The following SLC24A2 variants were observed in gnomAD, a reference collection of about 807,000 sequenced individuals.
SLC24A2 encodes the protein solute carrier family 24 member 2.
Under a neutral mutation model 62.0 loss-of-function variants are expected in SLC24A2, and 36 were observed. The ratio of observed to expected loss-of-function variants is 0.58; its 90% CI spans 0.44 to 0.77. The LOEUF (loss-of-function observed/expected upper bound fraction) is 0.77. Ranked by LOEUF, SLC24A2 falls within the 30% of genes least tolerant of loss-of-function variation. The pLI, the probability that SLC24A2 is intolerant of heterozygous loss-of-function variation, is 0.00. For missense variants in SLC24A2, 846 were observed against 817.9 expected (o/e 1.03, Z -0.42); for synonymous variants, 358 against 294.0 (o/e 1.22, Z -2.23).
At chr9:19,770,737 T>C (rs1049135054) in intron 2 of SLC24A2, among the ~76,000 whole-genome samples, 10 of 152,340 alleles carry the variant, frequency 6.6e-5, no homozygotes, top group African/African-American at 1.7e-4. Context: ...AAACTTAACA[T>C]TGACCATTCA....
chr9:19,751,979 C>T (rs565049450), intron 2 of SLC24A2, among the ~76,000 whole-genome samples: 85 of 152,298 alleles, frequency 5.6e-4, no homozygotes, highest in African/African-American at 2.0e-3. Flanking sequence ...AGCTGCTTCT[C>T]TGCAAAGAAA....
At chr9:19,724,860 T>A (rs1356370112) in intron 2 of SLC24A2, among the ~76,000 whole-genome samples, 1 of 152,130 alleles carries the variant, frequency 6.6e-6, no homozygotes, top group Non-Finnish European at 1.5e-5. Context: ...CCAGTTAGAT[T>A]AGATACCATT....
At chr9:19,959,620 C>T in the SLC24A2 span, among the ~76,000 whole-genome samples, 1 of 152,124 alleles carries the variant, frequency 6.6e-6, no homozygotes, top group Middle Eastern at 3.2e-3. Flanking sequence ...AGAATGCAGA[C>T]CTAGTTATGT....
the SLC24A2 span, among the ~76,000 whole-genome samples, chr9:20,028,745 C>T: frequency 6.6e-6 from 1 of 152,208 alleles, no homozygotes; most frequent in South Asian, 2.1e-4. Context: ...AGTACACATC[C>T]CCCTGTCTGT....
intron 10 of SLC24A2, among the ~76,000 whole-genome samples, chr9:19,517,941 A>T (rs1190204027): frequency 4.0e-5 from 6 of 148,226 alleles, no homozygotes; most frequent in East Asian, 2.0e-4. Flanking sequence ...ACACACACAC[A>T]CACACACACA....
chr9:19,806,668 G>GTGAT, the SLC24A2 span, among the ~76,000 whole-genome samples: 15 of 152,280 alleles, frequency 9.9e-5, no homozygotes, highest in South Asian at 1.2e-3. Flanking sequence ...ACAAAGGTCA[G>GTGAT]TGATTAGAAG....
chr9:20,260,302 T>G, the SLC24A2 span, among the ~76,000 whole-genome samples: 1 of 152,202 alleles, frequency 6.6e-6, no homozygotes, highest in African/African-American at 2.4e-5. Context: ...ACTCTAGAAC[T>G]TGGAGCCAAT....
chr9:20,257,215 T>A, the SLC24A2 span, among the ~76,000 whole-genome samples: 1 of 152,212 alleles, frequency 6.6e-6, no homozygotes, highest in Non-Finnish European at 1.5e-5. Flanking sequence ...CAGACTGGTT[T>A]GATCCCAATT....
intron 2 of SLC24A2, among the ~76,000 whole-genome samples, chr9:19,630,095 C>G (rs1818138960): frequency 6.6e-6 from 1 of 152,128 alleles, no homozygotes; most frequent in Non-Finnish European, 1.5e-5. Flanking sequence ...TATTAGATCA[C>G]TTAAAATTAA....
At chr9:19,888,491 C>G in the SLC24A2 span, among the ~76,000 whole-genome samples, 1 of 152,128 alleles carries the variant, frequency 6.6e-6, no homozygotes, top group Non-Finnish European at 1.5e-5. Context: ...TGTGACTTCC[C>G]TATTTAGAGT....
At chr9:19,584,273 T>TAAAAAAAAAAAAAAAAAA (rs5896848) in intron 5 of SLC24A2, among the ~76,000 whole-genome samples, 6 of 119,922 alleles carry the variant, frequency 5.0e-5, no homozygotes, top group Non-Finnish European at 8.7e-5. Context: ...TAGCAAATAG[T>TAAAAAAAAAAAAAAAAAA]AAAAAAAAAA....
At chr9:20,198,651 ATCTC>A in the SLC24A2 span, among the ~76,000 whole-genome samples, 46 of 148,100 alleles carry the variant, frequency 3.1e-4, no homozygotes, top group African/African-American at 8.4e-4. Flanking sequence ...GTCCCCTCGC[ATCTC>A]TCTCTCTCTC....
At chr9:19,749,607 T>C (rs990289558) in intron 2 of SLC24A2, among the ~76,000 whole-genome samples, 4 of 152,202 alleles carry the variant, frequency 2.6e-5, no homozygotes, top group African/African-American at 9.6e-5. Context: ...GGTAGCCATA[T>C]TTAGCAAATA....
chr9:19,549,622 C>T (rs1000884533), intron 8 of SLC24A2, among the ~76,000 whole-genome samples: 4 of 152,166 alleles, frequency 2.6e-5, no homozygotes, highest in African/African-American at 4.8e-5. Flanking sequence ...TCCAGTAGAC[C>T]GTCCCAGCTG....
chr9:20,298,951 A>T, the SLC24A2 span, among the ~76,000 whole-genome samples: 1 of 152,348 alleles, frequency 6.6e-6, no homozygotes, highest in East Asian at 1.9e-4. Context: ...ACCTGTGCTG[A>T]ACAGGGAGGA....
At chr9:19,902,690 T>C in the SLC24A2 span, among the ~76,000 whole-genome samples, 1 of 152,138 alleles carries the variant, frequency 6.6e-6, no homozygotes, top group Non-Finnish European at 1.5e-5. Flanking sequence ...ACTACCAGTA[T>C]CACATATCGA....
At chr9:20,073,083 A>G in the SLC24A2 span, among the ~76,000 whole-genome samples, 1 of 152,192 alleles carries the variant, frequency 6.6e-6, no homozygotes, top group Non-Finnish European at 1.5e-5. Flanking sequence ...AAAACAATAC[A>G]TATGTATTAT....
intron 2 of SLC24A2, among the ~76,000 whole-genome samples, chr9:19,665,746 C>G (rs1819233264): frequency 6.6e-6 from 1 of 152,010 alleles, no homozygotes; most frequent in African/African-American, 2.4e-5. Context: ...CACCTCAGCC[C>G]TCAAGTAGCT....
chr9:19,647,845 T>C (rs900293644), intron 2 of SLC24A2, among the ~76,000 whole-genome samples: 10 of 152,216 alleles, frequency 6.6e-5, no homozygotes, highest in African/African-American at 2.2e-4. Context: ...AGAGAAGGCC[T>C]GCAATAAACA....
Sources: allele counts gnomAD v4.1 joint callset (sites outside exome capture counted in the v4.1 genomes callset), GRCh38; gene constraint gnomAD v4.1.1; transcripts MANE v1.5; gene names NCBI Gene and HGNC (gene_info 2026-07-23, HGNC 2026-07-21).